The following UPF2 variants were observed in gnomAD, a reference collection of about 807,000 sequenced individuals.
UPF2 encodes the protein regulator of nonsense transcripts 2.
UPF2 carries 17 observed loss-of-function variants against 141.4 expected under a neutral mutation model. The ratio of observed to expected loss-of-function variants is 0.12; its 90% confidence interval spans 0.08 to 0.18. The LOEUF is 0.18. UPF2 is among the 10% of genes least tolerant of loss of function. The pLI, the probability that UPF2 is intolerant of heterozygous loss-of-function variation, is 1.00. For synonymous variants in UPF2, 540 were observed against 498.0 expected (o/e 1.08, Z -1.12); for missense variants, 1,152 against 1,515.9 (o/e 0.76, Z 3.99).
Position 11,998,441 on chromosome 10 carries a change from G to A in UPF2, c.1759-684C>T, listed in dbSNP as rs1212536839. ...TCTGTCACCCAGGCTGGGGTGCAGT[G>A]GCACAATCATGGCTCACTGCAGCCT... On this transcript the variant is annotated intron_variant, in intron 7 of 21. Transcript: ENST00000357604. The surrounding 1 kb of genome is among the most constrained non-coding windows in gnomAD (Gnocchi z 4.5). 2.0e-5 allele frequency among the ~76,000 whole-genome samples: 3 copies of A among 152,126 alleles called. No homozygotes were observed. The highest frequency in any genetic ancestry group is 4.4e-5 in the Non-Finnish European group (3 of 68,010).
intron 4 of UPF2, among the ~76,000 whole-genome samples, chr10:12,009,921 G>T (rs1165355071): frequency 6.6e-6 from 1 of 152,152 alleles, no homozygotes; most frequent in African/African-American, 2.4e-5. Flanking sequence ...GAAACTAGGT[G>T]AGACTGGGAA....
intron 4 of UPF2, among the ~76,000 whole-genome samples, chr10:12,007,788 G>A (rs1316807489): frequency 6.6e-6 from 1 of 150,648 alleles, no homozygotes; most frequent in African/African-American, 2.4e-5. Context: ...CTGTGAACGC[G>A]CCACTGCACT....
Position 11,951,913 on chromosome 10 carries a change from C to A in UPF2, c.3034+153G>T, listed in dbSNP as rs185082681. ...AAATTACTTAGTGAAATCAAGCACA[C>A]CACACAGGCATTACCTAACACTACT... On this transcript the variant is annotated intron_variant, in intron 15 of 21. Transcript: ENST00000357604. 6.5e-5 allele frequency: 46 copies of A among 709,166 alleles called. No individual in the cohort carries two copies. In the East Asian group the frequency reaches 8.7e-4, roughly 13 times the overall value. The allele number at this position is 709,166 out of a possible 1,614,324, so 43.9% of individuals were successfully genotyped here.
chr10:11,930,927 C>T (rs918291123), intron 20 of UPF2, among the ~76,000 whole-genome samples: 1 of 152,176 alleles, frequency 6.6e-6, no homozygotes, highest in African/African-American at 2.4e-5. Context: ...ACAACTATTA[C>T]GGCTGTAAAA....
Position 11,921,455 on chromosome 10 carries a change from C to T in UPF2, c.3810-148G>A, listed in dbSNP as rs1006424514. On this transcript the variant is annotated intron_variant, in intron 21 of 21. Transcript: ENST00000357604. This position sits in a 1 kb window ranked among gnomAD's most constrained non-coding sequence, Gnocchi z 5.9. Reference sequence around the variant, plus strand: ...CATCTGCGGGTTCCACATCCATGGACCAAAAATATTCGGGGGAAAAAAACC... The same window carrying T: ...CATCTGCGGGTTCCACATCCATGGATCAAAAATATTCGGGGGAAAAAAACC... 6.6e-5 allele frequency: 54 copies of T among 819,368 alleles called. No individual in the cohort carries two copies. The African/African-American group carries it at 9.1e-4, about 14-fold the overall frequency. The allele number at this position is 819,368 out of a possible 1,614,324, so 50.8% of individuals were successfully genotyped here.
At chr10:11,938,842 G>GTTTTTTTTTTTTTTTTT (rs1204744093) in intron 18 of UPF2, among the ~76,000 whole-genome samples, 15 of 45,868 alleles carry the variant, frequency 3.3e-4, no homozygotes, top group African/African-American at 4.9e-4. Flanking sequence ...TCTTAAGCAA[G>GTTTTTTTTTTTTTTTTT]TTTTTTTTTT....
chr10:11,988,190 C>T (rs921476741), intron 8 of UPF2, among the ~76,000 whole-genome samples: 7 of 152,214 alleles, frequency 4.6e-5, no homozygotes. Flanking sequence ...GACGTTGTCC[C>T]TAGGTATCCA....
intron 4 of UPF2, among the ~76,000 whole-genome samples, chr10:12,005,693 C>G (rs1834023656): frequency 6.6e-6 from 1 of 152,056 alleles, no homozygotes; most frequent in Non-Finnish European, 1.5e-5. Context: ...CTCAGCCTCC[C>G]AAGTAGCTGG....
intron 2 of UPF2, among the ~76,000 whole-genome samples, chr10:12,033,829 G>T (rs192098225): frequency 1.4e-4 from 21 of 152,206 alleles, no homozygotes; most frequent in Admixed American, 1.2e-3. Flanking sequence ...GTTTACAGGC[G>T]TGAACCACCA....
chr10:11,997,886 T>TTCTTAA (rs1833889260), intron 7 of UPF2, 129 bp from the exon 8 acceptor site: 1 of 896,936 alleles, frequency 1.1e-6, no homozygotes, highest in Admixed American at 2.6e-5. Flanking sequence ...CTAGTATTGT[T>TTCTTAA]AGTATCAGGA....
At chr10:11,966,956 C>A (rs1312068648) in intron 10 of UPF2, among the ~76,000 whole-genome samples, 4 of 152,182 alleles carry the variant, frequency 2.6e-5, no homozygotes, top group Non-Finnish European at 4.4e-5. Flanking sequence ...TATGATAATA[C>A]AGAGAAACCA....
chr10:11,987,629 G>C (rs1039123461), intron 8 of UPF2, among the ~76,000 whole-genome samples: 12 of 151,770 alleles, frequency 7.9e-5, no homozygotes, highest in Admixed American at 2.6e-4. Flanking sequence ...AGGAGTGGTG[G>C]TGCATGCCTG....
In UPF2 at chr10:11,948,531, G is replaced by C. The variant is rs1833033743; in HGVS notation, c.3035-23C>G. On this transcript the variant is annotated intron_variant, in intron 15 of 21. Transcript: ENST00000357604. ...GGCCTTGAAATGAGAAGGTGGAAAT[G>C]GAAAAATACATTAAAAATAGACACA... The C allele has an allele frequency of 1.9e-6, 3 of 1,604,926 alleles. No homozygotes were observed. The East Asian group carries it at 6.7e-5, about 36-fold the overall frequency.
intron 3 of UPF2, among the ~76,000 whole-genome samples, chr10:12,018,761 A>G (rs974753770): frequency 6.6e-5 from 10 of 152,136 alleles, no homozygotes; most frequent in Non-Finnish European, 1.2e-4. Flanking sequence ...CAAAAAATAA[A>G]TGAATAAATA....
intron 8 of UPF2, among the ~76,000 whole-genome samples, chr10:11,987,205 G>C (rs980036204): frequency 1.3e-5 from 2 of 152,214 alleles, no homozygotes; most frequent in South Asian, 4.1e-4. Context: ...AGAAGAGTTA[G>C]TGGAGGCTGG....
At chr10:11,977,885 T>TCCCTTACGTACTACTAAGGGA (rs1174710997) in intron 9 of UPF2, among the ~76,000 whole-genome samples, 2 of 152,154 alleles carry the variant, frequency 1.3e-5, no homozygotes, top group South Asian at 2.1e-4. Context: ...TCTCTAAACA[T>TCCCTTACGTACTACTAAGGGA]AGAAACCTTC....
At chr10:11,962,918 C>T (rs1485004386) in intron 11 of UPF2, among the ~76,000 whole-genome samples, 1 of 152,118 alleles carries the variant, frequency 6.6e-6, no homozygotes, top group African/African-American at 2.4e-5. Context: ...AATTAGGTGC[C>T]TCTTCTACCT....
At chr10:11,948,611 C>CATG in intron 15 of UPF2, 103 bp from the exon 16 acceptor site, 1 of 1,281,566 alleles carries the variant, frequency 7.8e-7, no homozygotes, top group East Asian at 2.3e-5. Flanking sequence ...AAGAATTCAA[C>CATG]AGCCATTTTC....
rs1833844933 is a variant in UPF2, at chr10:11,995,079, TAAGA to T, written c.1844+2589_1844+2592del. Among the ~76,000 whole-genome samples, 6 of 149,406 alleles carry T rather than the reference TAAGA, an allele frequency of 4.0e-5. No homozygotes were observed. The South Asian group carries it at 1.3e-3, about 32-fold the overall frequency. ...GGAATATGATGTGCCTAATTCTTCG[TAAGA>T]AGACATGAAGTGCTATAAAGAATAC... On this transcript the variant is annotated intron_variant, in intron 8 of 21. Coordinates refer to ENST00000357604, the MANE Select transcript of UPF2 (RefSeq NM_015542.4).
Sources: gnomAD v4.1 joint callset for allele counts (sites outside exome capture counted in the v4.1 genomes callset) on GRCh38, gnomAD v4.1.1 for gene constraint, Gnocchi (gnomAD v3.1) non-coding constraint, MANE v1.5 for transcripts, NCBI Gene and HGNC (gene_info 2026-07-23, HGNC 2026-07-21) for gene names.